Variants in IQCB1 observed in about 807,000 individuals in gnomAD.
The protein encoded by IQCB1 is IQ calmodulin-binding motif-containing protein 1.
In IQCB1, 56 loss-of-function variants were observed where a neutral mutation model predicts 84.4. That is an observed-to-expected ratio of 0.66 (90% CI 0.54 to 0.83). The LOEUF is 0.83. IQCB1 is among the 40% of genes least tolerant of loss of function. The probability of loss-of-function intolerance (pLI) is 0.00; values close to 1 mark genes in which losing one functional copy is unlikely to be tolerated. For synonymous variants in IQCB1, 210 were observed against 234.8 expected, an observed-to-expected ratio of 0.89 and a Z score of 0.96; for missense variants, 629 against 682.1, an observed-to-expected ratio of 0.92 and a Z score of 0.87.
chr3:121,814,769 T>C (rs1949981588), intron 5 of IQCB1, among the ~76,000 whole-genome samples: 1 of 152,182 alleles, frequency 6.6e-6, no homozygotes, highest in African/African-American at 2.4e-5. Flanking sequence ...CAGTAATTAA[T>C]GGCCTACCAA....
At chr3:121,809,943 TG>T (rs1394311006) in intron 5 of IQCB1, among the ~76,000 whole-genome samples, 13 of 128,568 alleles carry the variant, frequency 1.0e-4, no homozygotes, top group African/African-American at 3.8e-4. Context: ...AATATAACAA[TG>T]GAAAAAAAAA....
chr3:121,822,540 C>T (rs6438678), intron 5 of IQCB1, among the ~76,000 whole-genome samples: 97,858 of 151,996 alleles, frequency 0.64, 31,993 homozygotes, highest in African/African-American at 0.71. Context: ...AAAGGCTCCA[C>T]GGAGCCCAGA....
chr3:121,776,552 G>A (rs1247177664), intron 13 of IQCB1, among the ~76,000 whole-genome samples: 2 of 151,908 alleles, frequency 1.3e-5, no homozygotes, highest in African/African-American at 2.4e-5. Flanking sequence ...TCTTACTGTC[G>A]GTTATTTTTT....
chr3:121,802,177 G>A (rs978511507), intron 7 of IQCB1, among the ~76,000 whole-genome samples: 4 of 151,734 alleles, frequency 2.6e-5, no homozygotes, highest in African/African-American at 4.8e-5. Context: ...CCTCCTTTTC[G>A]ATTTTCTAGA....
rs564427311 is a variant in IQCB1, at chr3:121,808,853, G to C, written c.487+63C>G. 4.8e-5 allele frequency: 47 copies of C among 988,440 alleles called. No homozygotes were observed. In the South Asian group the frequency reaches 5.9e-4, roughly 12 times the overall value. 61.2% of individuals were successfully genotyped at this position (988,440 alleles called of 1,614,324 possible). On this transcript the variant is annotated intron_variant, in intron 6 of 14. Transcript: ENST00000310864. ...TGTGGCATTTGTTTTTGGAAAAAACGATCAAACTGTTAGCAGTTGACTCTA... is the reference window on the plus strand; with the variant it reads ...TGTGGCATTTGTTTTTGGAAAAAACCATCAAACTGTTAGCAGTTGACTCTA...
chr3:121,791,528 G>A (rs1948972153), intron 10 of IQCB1, among the ~76,000 whole-genome samples: 1 of 152,140 alleles, frequency 6.6e-6, no homozygotes, highest in African/African-American at 2.4e-5. Context: ...AAGTGTATGT[G>A]TGTCAAAAGA....
chr3:121,780,874 G>GTA (rs67062020), intron 13 of IQCB1, among the ~76,000 whole-genome samples: 15,125 of 122,016 alleles, frequency 0.12, 778 homozygotes, highest in South Asian at 0.19. Flanking sequence ...ATGTGTGTGT[G>GTA]TGTGTGTGTG....
intron 12 of IQCB1, 117 bp from the exon 13 acceptor site, chr3:121,781,991 T>C (rs576630505): frequency 7.7e-6 from 8 of 1,038,156 alleles, no homozygotes; most frequent in East Asian, 5.0e-5. Context: ...TGAGTGTGTA[T>C]AAGGAGGGGA....
At chr3:121,772,316 TTAA>T (rs202207523) in intron 14 of IQCB1, among the ~76,000 whole-genome samples, 2,298 of 152,254 alleles carry the variant, frequency 0.015, 62 homozygotes, top group African/African-American at 0.052. Context: ...GCATCTGAAA[TTAA>T]TAACTTTGGG....
intron 7 of IQCB1, among the ~76,000 whole-genome samples, chr3:121,805,921 T>C (rs762020404): frequency 6.6e-6 from 1 of 152,156 alleles, no homozygotes; most frequent in Admixed American, 6.6e-5. Context: ...CTCTGAGCTC[T>C]ATCACTTCAA....
At chr3:121,814,148 G>A (rs1949955181) in intron 5 of IQCB1, among the ~76,000 whole-genome samples, 1 of 152,274 alleles carries the variant, frequency 6.6e-6, no homozygotes, top group Middle Eastern at 3.4e-3. Flanking sequence ...CATGGAAACG[G>A]CACAAGCTGC....
At chr3:121,771,768 T>C (rs554053080) in intron 14 of IQCB1, among the ~76,000 whole-genome samples, 2 of 152,304 alleles carry the variant, frequency 1.3e-5, no homozygotes, top group Admixed American at 1.3e-4. Flanking sequence ...TCCTTTCTGT[T>C]TACATATACT....
chr3:121,817,306 C>T (rs537872245), intron 5 of IQCB1, among the ~76,000 whole-genome samples: 10 of 151,696 alleles, frequency 6.6e-5, no homozygotes, highest in Admixed American at 2.0e-4. Flanking sequence ...ATACCTAATG[C>T]ATGCAGGGCT....
intron 9 of IQCB1, among the ~76,000 whole-genome samples, chr3:121,796,017 T>C (rs1350819774): frequency 6.6e-6 from 1 of 151,766 alleles, no homozygotes; most frequent in Admixed American, 6.6e-5. Context: ...AAAAGGTCAG[T>C]GAGCTGTCTG....
intron 5 of IQCB1, among the ~76,000 whole-genome samples, chr3:121,815,813 C>T (rs894162234): frequency 3.3e-5 from 5 of 151,596 alleles, no homozygotes; most frequent in African/African-American, 7.3e-5. Flanking sequence ...GAATCAATAT[C>T]GTGAAGATGG....
chr3:121,832,256 T>G (rs1189272155), intron 2 of IQCB1, among the ~76,000 whole-genome samples: 1 of 152,144 alleles, frequency 6.6e-6, no homozygotes, highest in Non-Finnish European at 1.5e-5. Context: ...TCTTTTATAT[T>G]GGCTGTAAAA....
In IQCB1 at chr3:121,822,302, T is replaced by C. The variant is rs577866209; in HGVS notation, c.393+3749A>G. Among the ~76,000 whole-genome samples, 10 of 152,316 alleles carry C rather than the reference T, an allele frequency of 6.6e-5. No individual in the cohort carries two copies. The South Asian group carries it at 1.9e-3, about 28-fold the overall frequency. The stretch of plus-strand genomic sequence containing the variant: ...CTCCATATATCTTCTATTGGTTCTG[T>C]TTTTCTGGAGAGACCTGACTAATAT... On this transcript the variant is annotated intron_variant, in intron 5 of 14. Coordinates refer to ENST00000310864, the MANE Select transcript of IQCB1 (RefSeq NM_001023570.4).
chr3:121,780,089 TTC>T (rs1948408541), intron 13 of IQCB1, among the ~76,000 whole-genome samples: 1 of 152,102 alleles, frequency 6.6e-6, no homozygotes, highest in Non-Finnish European at 1.5e-5. Flanking sequence ...ATATCTGGGG[TTC>T]TCTCTCTTTG....
chr3:121,786,147 G>T (rs1948704235), intron 12 of IQCB1, among the ~76,000 whole-genome samples: 1 of 69,440 alleles, frequency 1.4e-5, no homozygotes, highest in East Asian at 2.5e-4. Flanking sequence ...CTCCAGCCTG[G>T]GAGACAGAGA....
Sources: gnomAD v4.1 joint callset for allele counts (sites outside exome capture counted in the v4.1 genomes callset) on GRCh38, gnomAD v4.1.1 for gene constraint, MANE v1.5 for transcripts, NCBI Gene and HGNC (gene_info 2026-07-23, HGNC 2026-07-21) for gene names.